The following CLCN5 variants were observed in gnomAD, a reference collection of about 807,000 sequenced individuals.
The protein encoded by CLCN5 is Cl-/H+ antiporter 5.
CLCN5 carries 17 observed loss-of-function variants against 54.0 expected under a neutral mutation model. The ratio of observed to expected loss-of-function variants is 0.31; its 90% CI spans 0.22 to 0.47. The LOEUF is 0.47. Among genes scored for constraint, CLCN5 ranks in the 20% least tolerant of loss-of-function variants. The pLI is 1.00. For missense variants in CLCN5, 448 were observed against 646.7 expected (o/e 0.69, Z 3.33); for synonymous variants, 222 against 233.0 (o/e 0.95, Z 0.43).
chrX:50,068,220 T>C (rs1469294768), intron 4 of CLCN5: 1 of 111,455 alleles, frequency 9.0e-6, no homozygotes, highest in African/African-American at 3.3e-5. Context: ...ACTTGAGAAT[T>C]GAAACAGCTT....
At chrX:50,086,282 T>A (rs782747510) in intron 10 of CLCN5, 46 bp from the exon 11 acceptor site, 2 of 1,138,695 alleles carry the variant, frequency 1.8e-6, no homozygotes, top group Admixed American at 2.4e-5. Context: ...CCTGAAATAG[T>A]TTCTGCGTAT....
chrX:50,034,822 C>T (rs1312669220), intron 3 of CLCN5, among the ~76,000 whole-genome samples: 1 of 111,039 alleles, frequency 9.0e-6, no homozygotes. Context: ...CTTCCCTTTT[C>T]CTTCTTTCTC....
chrX:49,975,602 A>G (rs782603505), intron 3 of CLCN5, among the ~76,000 whole-genome samples: 65 of 109,763 alleles, frequency 5.9e-4, no homozygotes, highest in Non-Finnish European at 1.1e-3. Flanking sequence ...ACTCCTTCCT[A>G]TCTTTATTAT....
chrX:49,941,230 G>A (rs1308902665), intron 3 of CLCN5, among the ~76,000 whole-genome samples: 1 of 110,507 alleles, frequency 9.0e-6, no homozygotes, highest in African/African-American at 3.3e-5. Flanking sequence ...GCTGAGGCAT[G>A]AGAATTGCTT....
intron 3 of CLCN5, among the ~76,000 whole-genome samples, chrX:49,934,595 A>G (rs1925829563): frequency 1.8e-5 from 2 of 111,804 alleles, no homozygotes; most frequent in South Asian, 7.6e-4. Context: ...ATTAGGTGGC[A>G]ATTTATTATA....
chrX:49,992,595 A>G (rs1228116434), intron 3 of CLCN5, among the ~76,000 whole-genome samples: 2 of 111,888 alleles, frequency 1.8e-5, no homozygotes, highest in African/African-American at 6.5e-5. Context: ...TTACACTGCT[A>G]AAGTCTATTG....
intron 4 of CLCN5, among the ~76,000 whole-genome samples, chrX:50,064,934 G>A (rs1932943724): frequency 9.0e-6 from 1 of 110,572 alleles, no homozygotes; most frequent in South Asian, 3.8e-4. Flanking sequence ...TTAATAAATG[G>A]TGCTGGGAAA....
chrX:50,090,885 G>A lies in CLCN5; in HGVS notation c.2359G>A (p.Gly787Arg). 1 of 1,195,255 alleles carries A rather than the reference G, an allele frequency of 8.4e-7. No individual in the cohort carries two copies. The highest frequency in any genetic ancestry group is 1.1e-6 in the Non-Finnish European group (1 of 880,720). Reference sequence around the variant, plus strand: ...GCGGCAGTGCCTGGTTACACACAACGGGTAAGAAGTCTTGAGTGAAGTCAA... The same window carrying A: ...GCGGCAGTGCCTGGTTACACACAACAGGTAAGAAGTCTTGAGTGAAGTCAA... ...GLRQCLVTHN[G>R]RLLGIITKKD... The change falls in exon 14 of 15, where the codon GGG becomes AGG. Residue 787 changes from glycine (G) to arginine (R), a missense_variant and splice_region_variant. Gly to Arg is a moderately radical substitution (Grantham distance 125, BLOSUM62 -2). This residue lies in a region of CLCN5 where 297 missense variants were observed against 470.4 expected (regional missense o/e 0.63). Transcript: ENST00000376091.
At chrX:50,015,529 C>T (rs1454215957) in intron 3 of CLCN5, among the ~76,000 whole-genome samples, 1 of 108,620 alleles carries the variant, frequency 9.2e-6, no homozygotes, top group Non-Finnish European at 1.9e-5. Context: ...TTACTTTAGT[C>T]AAATAGAGAT....
rs1933421518 is a variant in CLCN5 at position 50,076,799 on chromosome X, G to A, written c.603+817G>A. On this transcript the variant is annotated intron_variant, in intron 7 of 14. Coordinates refer to ENST00000376091, the MANE Select transcript of CLCN5 (RefSeq NM_001127898.4). ...CCCTCCTGCCTTGGCCTTCCAAAAT[G>A]CTGAGATTACAGGCATGAGCCACTG... 2.7e-5 allele frequency among the ~76,000 whole-genome samples: 3 copies of A among 112,233 alleles called. 1 individual carries two copies. The South Asian group carries it at 1.1e-3, about 42-fold the overall frequency.
At chrX:50,032,686 T>C (rs1377814879) in intron 3 of CLCN5, among the ~76,000 whole-genome samples, 1 of 109,839 alleles carries the variant, frequency 9.1e-6, no homozygotes, top group Non-Finnish European at 1.9e-5. Flanking sequence ...TTCACTCTGA[T>C]GGTAGTTTCT....
intron 3 of CLCN5, among the ~76,000 whole-genome samples, chrX:49,954,258 C>T (rs527548708): frequency 3.6e-5 from 4 of 111,560 alleles, no homozygotes; most frequent in Non-Finnish European, 5.6e-5. Context: ...TTGTGCAACC[C>T]GCGGCCTGTG....
chrX:49,934,268 C>A (rs1366421504), intron 3 of CLCN5, among the ~76,000 whole-genome samples: 1 of 111,046 alleles, frequency 9.0e-6, no homozygotes, highest in Non-Finnish European at 1.9e-5. Flanking sequence ...TGTTTTTTTT[C>A]CCCTTCTTCT....
chrX:50,079,233 A>G lies in CLCN5; in HGVS notation c.604-1361A>G, dbSNP rs141404819. On this transcript the variant is annotated intron_variant, in intron 7 of 14. Coordinates refer to ENST00000376091, the MANE Select transcript of CLCN5 (RefSeq NM_001127898.4). ...TCCTCCTTAGCTACATTGGAAAGGC[A>G]AAGAAATAGCAATCATGTGTTCCTC... Among the ~76,000 whole-genome samples, 203 of 111,940 alleles carry G rather than the reference A, an allele frequency of 1.8e-3. 1 individual carries two copies. Among genetic ancestry groups the G allele is most frequent in the African/African-American group, 6.5e-3 (201 of 30,804 alleles).
At chrX:50,047,825 TGAA>T (rs1211035487) in intron 4 of CLCN5, among the ~76,000 whole-genome samples, 2 of 111,776 alleles carry the variant, frequency 1.8e-5, no homozygotes, top group African/African-American at 6.5e-5. Flanking sequence ...ATTTTGGAGA[TGAA>T]GACCGCAGAG....
intron 1 of CLCN5, among the ~76,000 whole-genome samples, 154 bp from the exon 2 acceptor site, chrX:49,923,253 C>G (rs1925162929): frequency 8.8e-6 from 1 of 113,240 alleles, no homozygotes; most frequent in Non-Finnish European, 1.9e-5. Context: ...GAGAAACTCT[C>G]GGAAAAGTAG....
intron 3 of CLCN5, among the ~76,000 whole-genome samples, chrX:49,995,504 G>A (rs1557179543): frequency 8.9e-6 from 1 of 111,748 alleles, no homozygotes; most frequent in African/African-American, 3.3e-5. Flanking sequence ...ATGCAAGGCA[G>A]GATGTGTCTA....
chrX:49,997,875 CTCTT>C (rs782366620), intron 3 of CLCN5, among the ~76,000 whole-genome samples: 12 of 111,024 alleles, frequency 1.1e-4, no homozygotes, highest in Non-Finnish European at 1.9e-5. Context: ...CCCTAGTTCT[CTCTT>C]TCTTTTACCC....
chrX:50,074,650 C>T (rs1042864719), intron 6 of CLCN5, among the ~76,000 whole-genome samples: 2 of 112,425 alleles, frequency 1.8e-5, no homozygotes, highest in Admixed American at 9.4e-5. Flanking sequence ...AAAACATACA[C>T]GACATGGCTT....
Sources: gnomAD v4.1 joint callset for allele counts (sites outside exome capture counted in the v4.1 genomes callset) on GRCh38, gnomAD v4.1.1 for gene constraint, gnomAD v4.1.1 regional missense constraint, MANE v1.5 for transcripts, NCBI Gene and HGNC (gene_info 2026-07-23, HGNC 2026-07-21) for gene names.